The following USO1 variants were observed in gnomAD, a reference collection of about 807,000 sequenced individuals.
USO1 encodes the protein USO1 vesicle transport factor.
USO1 carries 57 observed loss-of-function variants against 124.5 expected under a neutral mutation model. That is an observed-to-expected ratio of 0.46 (90% CI 0.37 to 0.57). The LOEUF is 0.57. USO1 is among the 20% of genes least tolerant of loss of function. USO1 has a pLI of 0.00. For synonymous variants in USO1, 369 were observed against 362.8 expected (o/e 1.02, Z -0.19); for missense variants, 900 against 1,040.6 (o/e 0.86, Z 1.86).
chr4:75,758,497 ATTAACTTCAC>A (rs1721505316), intron 4 of USO1, among the ~76,000 whole-genome samples: 3 of 152,242 alleles, frequency 2.0e-5, no homozygotes, highest in Non-Finnish European at 4.4e-5. Flanking sequence ...ATATGTCAAT[ATTAACTTCAC>A]AGAATACTAG....
At chr4:75,737,446 TG>T (rs1050848112) in intron 1 of USO1, among the ~76,000 whole-genome samples, 1 of 152,130 alleles carries the variant, frequency 6.6e-6, no homozygotes, top group Non-Finnish European at 1.5e-5. Context: ...ATTAAAAAGA[TG>T]GGGGGTCTTA....
intron 1 of USO1, among the ~76,000 whole-genome samples, chr4:75,737,413 A>AT (rs1720825363): frequency 6.6e-6 from 1 of 152,168 alleles, no homozygotes; most frequent in Admixed American, 6.5e-5. Context: ...AACTGGGGGT[A>AT]TTTCTTTTTT....
At chr4:75,733,340 G>A (rs781514598) in intron 1 of USO1, among the ~76,000 whole-genome samples, 4 of 152,168 alleles carry the variant, frequency 2.6e-5, no homozygotes, top group Non-Finnish European at 4.4e-5. Flanking sequence ...TAGTGAGACT[G>A]CTGGGTCGAA....
chr4:75,747,900 CTT>C (rs34689475), intron 1 of USO1, among the ~76,000 whole-genome samples: 60 of 44,302 alleles, frequency 1.4e-3, no homozygotes, highest in South Asian at 3.7e-3. Context: ...CTCACCTGGC[CTT>C]TTTTTTTTTT....
intron 1 of USO1, among the ~76,000 whole-genome samples, chr4:75,725,306 A>T (rs1720390237): frequency 6.6e-6 from 1 of 152,168 alleles, no homozygotes; most frequent in African/African-American, 2.4e-5. Context: ...CCTCCCTCGC[A>T]GTCTGAAACT....
At chr4:75,790,454 T>G (rs912437502) in intron 11 of USO1, among the ~76,000 whole-genome samples, 189 bp from the exon 12 acceptor site, 2 of 152,244 alleles carry the variant, frequency 1.3e-5, no homozygotes, top group Admixed American at 6.5e-5. Context: ...GTCCACATCC[T>G]AGCTGTATGC....
chr4:75,737,184 G>C (rs1284875749), intron 1 of USO1, among the ~76,000 whole-genome samples: 1 of 152,180 alleles, frequency 6.6e-6, no homozygotes, highest in Admixed American at 6.5e-5. Flanking sequence ...ATGTGGACGA[G>C]TTACTTAACC....
At chr4:75,807,600 A>G (rs1723033771) in intron 20 of USO1, among the ~76,000 whole-genome samples, 1 of 152,136 alleles carries the variant, frequency 6.6e-6, no homozygotes, top group Admixed American at 6.5e-5. Context: ...ATCACTTATC[A>G]TTTGAGGATT....
At chr4:75,782,401 C>T (rs1722245258) in intron 8 of USO1, among the ~76,000 whole-genome samples, 1 of 152,170 alleles carries the variant, frequency 6.6e-6, no homozygotes, top group Non-Finnish European at 1.5e-5. Flanking sequence ...TCTTGGTAAT[C>T]ATTCCTGAAG....
rs767417015 is a variant in USO1 at position 75,787,029 on chromosome 4, A to G, written c.856-33A>G. 19 of 1,551,190 alleles carry G rather than the reference A, an allele frequency of 1.2e-5. No homozygotes were observed. In the East Asian group the frequency reaches 4.0e-4, roughly 33 times the overall value. ...TGCCTCAAGCCTTTTCAAATCTTTA[A>G]AAGACAAATTTTGTTTTCTCTTTCT... On this transcript the variant is annotated intron_variant, in intron 9 of 23. Coordinates refer to ENST00000514213, the MANE Select transcript of USO1 (RefSeq NM_003715.4).
At chr4:75,755,300 T>G (rs1006503038) in intron 3 of USO1, among the ~76,000 whole-genome samples, 5 of 152,190 alleles carry the variant, frequency 3.3e-5, no homozygotes, top group Admixed American at 6.5e-5. Context: ...TCGAAAAGTT[T>G]TGGACATAGT....
chr4:75,748,735 G>C (rs116850827), intron 1 of USO1, among the ~76,000 whole-genome samples: 1 of 152,122 alleles, frequency 6.6e-6, no homozygotes, highest in East Asian at 1.9e-4. Flanking sequence ...CTAAGACTAA[G>C]AAGAAGCAGA....
chr4:75,790,352 A>G, intron 11 of USO1, 114 bp downstream of exon 11: 1 of 1,351,932 alleles, frequency 7.4e-7, no homozygotes, highest in South Asian at 1.6e-5. Context: ...ATGTTTTGGA[A>G]CTAGAAATTA....
Position 75,756,455 on chromosome 4 carries a change from G to A in USO1, c.219-1042G>A, listed in dbSNP as rs1013422788. Among the ~76,000 whole-genome samples, 83 of 151,324 alleles carry A rather than the reference G, an allele frequency of 5.5e-4. 1 individual carries two copies. The highest frequency in any genetic ancestry group is 2.0e-3 in the African/African-American group (82 of 41,278). On this transcript the variant is annotated intron_variant, in intron 3 of 23. Coordinates refer to ENST00000514213, the MANE Select transcript of USO1 (RefSeq NM_003715.4). ...ATGAAATGATTAACATCTCAATATG[G>A]AAAATAGAATGCATCTCTTATGTAA...
chr4:75,733,734 T>G (rs531541716), intron 1 of USO1, among the ~76,000 whole-genome samples: 50 of 152,282 alleles, frequency 3.3e-4, no homozygotes, highest in Non-Finnish European at 5.3e-4. Flanking sequence ...GTCAGATGCA[T>G]GGTTTGCAGA....
At chr4:75,786,909 A>T (rs2149178322) in intron 9 of USO1, among the ~76,000 whole-genome samples, 153 bp from the exon 10 acceptor site, 1 of 152,332 alleles carries the variant, frequency 6.6e-6, no homozygotes, top group East Asian at 1.9e-4. Flanking sequence ...CACAGAACTT[A>T]TTGCCATGGG....
intron 10 of USO1, among the ~76,000 whole-genome samples, chr4:75,789,322 G>C (rs1199324571): frequency 1.3e-5 from 2 of 152,092 alleles, no homozygotes; most frequent in East Asian, 3.9e-4. Flanking sequence ...CTATTTCCCA[G>C]GCTGGAGTGC....
chr4:75,788,818 C>A (rs181144538), intron 10 of USO1, among the ~76,000 whole-genome samples: 2 of 152,174 alleles, frequency 1.3e-5, no homozygotes, highest in Admixed American at 6.5e-5. Context: ...CAGGCGTGAG[C>A]CACTGCACCC....
chr4:75,744,487 T>C (rs1721064540), intron 1 of USO1, among the ~76,000 whole-genome samples: 1 of 152,228 alleles, frequency 6.6e-6, no homozygotes, highest in Admixed American at 6.5e-5. Context: ...TGGTGTGATC[T>C]TGGCTCACTG....
Sources: gnomAD v4.1 joint callset for allele counts (sites outside exome capture counted in the v4.1 genomes callset) on GRCh38, gnomAD v4.1.1 for gene constraint, MANE v1.5 for transcripts, NCBI Gene and HGNC (gene_info 2026-07-23, HGNC 2026-07-21) for gene names.